Variants in EIF4G3 observed in about 807,000 individuals in gnomAD.
EIF4G3 encodes the protein eukaryotic translation initiation factor 4 gamma 3, also known as eIF-4-gamma 3.
A neutral mutation model predicts 186.4 loss-of-function variants in EIF4G3; 34 were observed. The observed-to-expected ratio is 0.18, with a 90% CI of 0.14 to 0.24. The LOEUF (loss-of-function observed/expected upper bound fraction) is 0.24. EIF4G3 is among the 10% of genes least tolerant of loss of function. The pLI is 1.00. For missense variants in EIF4G3, 1,536 were observed against 1,948.5 expected (o/e 0.79, Z 3.99); for synonymous variants, 673 against 679.5 (o/e 0.99, Z 0.15).
At chr1:21,071,805 C>G (rs1400004675) in intron 3 of EIF4G3, among the ~76,000 whole-genome samples, 2 of 91,352 alleles carry the variant, frequency 2.2e-5, no homozygotes, top group Non-Finnish European at 4.5e-5. Context: ...GGCTCCGTCT[C>G]AAAAAAAAAA....
intron 10 of EIF4G3, among the ~76,000 whole-genome samples, chr1:20,976,840 C>G: frequency 6.6e-6 from 1 of 152,088 alleles, no homozygotes; most frequent in East Asian, 1.9e-4. Flanking sequence ...GAGTTCAAGA[C>G]CAGCCTTGGT....
At chr1:20,931,216 T>C (rs1346771519) in intron 14 of EIF4G3, among the ~76,000 whole-genome samples, 2 of 152,078 alleles carry the variant, frequency 1.3e-5, no homozygotes, top group Non-Finnish European at 2.9e-5. Context: ...CCCAGATCCA[T>C]CACAGGAATC....
At position 21,038,453 on chromosome 1, in the gene EIF4G3, A is replaced by C. The variant is rs1221576517; in HGVS notation, c.-67+12413T>G. Among the ~76,000 whole-genome samples the C allele has an allele frequency of 2.0e-5, 3 of 152,244 alleles. No homozygotes were observed. The East Asian group carries it at 5.8e-4, about 29-fold the overall frequency. ...CCTACTACTGATAGCCACCACGATT[A>C]TCTCTACTAATTTCTTCCCCTCATT... On this transcript the variant is annotated intron_variant, in intron 4 of 36. Coordinates refer to ENST00000602326, the MANE Select transcript of EIF4G3 (RefSeq NM_001391906.1).
intron 2 of EIF4G3, among the ~76,000 whole-genome samples, chr1:21,146,231 C>G (rs975708919): frequency 2.0e-5 from 3 of 152,166 alleles, no homozygotes; most frequent in Non-Finnish European, 4.4e-5. Context: ...GGGTGTGCAC[C>G]TGTAGTCCTA....
chr1:21,135,394 G>A (rs1443889233), intron 2 of EIF4G3, among the ~76,000 whole-genome samples: 1 of 152,166 alleles, frequency 6.6e-6, no homozygotes, highest in Non-Finnish European at 1.5e-5. Flanking sequence ...AGCTACTCGG[G>A]AGAGGCTGAG....
intron 3 of EIF4G3, among the ~76,000 whole-genome samples, chr1:21,079,953 A>G (rs1156750611): frequency 1.3e-5 from 2 of 151,632 alleles, no homozygotes; most frequent in Non-Finnish European, 2.9e-5. Flanking sequence ...GGAGTTCGAG[A>G]CCAGCCTGGC....
chr1:20,921,309 A>G (rs1205828028), intron 14 of EIF4G3, among the ~76,000 whole-genome samples: 1 of 152,232 alleles, frequency 6.6e-6, no homozygotes, highest in African/African-American at 2.4e-5. Flanking sequence ...GGATATTATA[A>G]AACTAAAGTA....
At chr1:21,153,978 G>A (rs1430666549) in intron 2 of EIF4G3, among the ~76,000 whole-genome samples, 1 of 152,118 alleles carries the variant, frequency 6.6e-6, no homozygotes, top group African/African-American at 2.4e-5. Flanking sequence ...ACTACCTATT[G>A]TCAGCAAGCC....
chr1:20,991,177 T>C (rs78855528), intron 7 of EIF4G3, among the ~76,000 whole-genome samples: 4,431 of 152,248 alleles, frequency 0.029, 142 homozygotes, highest in East Asian at 0.14. Context: ...GTCAATATTA[T>C]ATAATTTAGG....
At chr1:20,886,435 A>C in intron 18 of EIF4G3, 64 bp from the exon 19 acceptor site, 1 of 1,524,604 alleles carries the variant, frequency 6.6e-7, no homozygotes, top group Non-Finnish European at 8.9e-7. Context: ...TGTGCTGTTC[A>C]AGTCAAGTCT....
chr1:20,824,581 T>TG (rs2063155913), intron 33 of EIF4G3, among the ~76,000 whole-genome samples: 2 of 152,210 alleles, frequency 1.3e-5, no homozygotes, highest in African/African-American at 4.8e-5. Flanking sequence ...ATACTGATCA[T>TG]GGGGTCTTCT....
chr1:21,079,920 G>A (rs2095713162), intron 3 of EIF4G3, among the ~76,000 whole-genome samples: 2 of 151,452 alleles, frequency 1.3e-5, no homozygotes, highest in Admixed American at 1.3e-4. Context: ...GGGAGGCCGA[G>A]GCAGGTGGAT....
chr1:21,151,533 C>A (rs2097551017), intron 2 of EIF4G3, among the ~76,000 whole-genome samples: 1 of 151,928 alleles, frequency 6.6e-6, no homozygotes, highest in African/African-American at 2.4e-5. Flanking sequence ...CCACCATGCC[C>A]AGCTTTAATG....
rs75505577 is a variant in EIF4G3, at chr1:20,818,886, G to A, written c.4369-1348C>T. Among the ~76,000 whole-genome samples the A allele has an allele frequency of 6.1e-3, 934 of 152,122 alleles. 3 individuals are homozygous for A. Among genetic ancestry groups the A allele is most frequent in the Non-Finnish European group, 0.01 (696 of 67,996 alleles). ...TTGAGTTCTGTCATCTGATTGTTCC[G>A]TTTCTACCACTTACGTAGCATCTCT... On this transcript the variant is annotated intron_variant, in intron 33 of 36. Coordinates refer to ENST00000602326, the MANE Select transcript of EIF4G3 (RefSeq NM_001391906.1).
chr1:20,944,653 G>A (rs2095864529), intron 13 of EIF4G3, among the ~76,000 whole-genome samples: 1 of 152,022 alleles, frequency 6.6e-6, no homozygotes, highest in Non-Finnish European at 1.5e-5. Flanking sequence ...TATTAATGTT[G>A]GGAAACAATT....
At chr1:21,116,647 GACAA>G (rs1287535941) in intron 2 of EIF4G3, among the ~76,000 whole-genome samples, 2 of 151,918 alleles carry the variant, frequency 1.3e-5, no homozygotes, top group Non-Finnish European at 2.9e-5. Context: ...AGACCAGCCT[GACAA>G]ACATAGTGGA....
intron 29 of EIF4G3, among the ~76,000 whole-genome samples, chr1:20,844,588 T>TC (rs1205813007): frequency 6.6e-6 from 1 of 152,182 alleles, no homozygotes; most frequent in African/African-American, 2.4e-5. Flanking sequence ...ACGCCTGTAA[T>TC]CCCAGTATTT....
intron 4 of EIF4G3, among the ~76,000 whole-genome samples, chr1:21,006,589 T>C (rs2085144820): frequency 6.6e-6 from 1 of 152,174 alleles, no homozygotes; most frequent in Non-Finnish European, 1.5e-5. Context: ...AAGAACACAA[T>C]AGTGACAGCA....
rs2154547369 is a variant in EIF4G3 at position 20,827,684 on chromosome 1, G to C, written c.4202C>G (p.Pro1401Arg). The change falls in exon 32 of 37, where the codon CCT becomes CGT. Residue 1401 changes from proline (P) to arginine (R), a missense_variant. Pro to Arg is a moderately radical substitution (Grantham distance 103, BLOSUM62 -2). This residue lies in a region of EIF4G3 where 395 missense variants were observed against 498.9 expected (regional missense o/e 0.79). Coordinates refer to ENST00000602326, the MANE Select transcript of EIF4G3 (RefSeq NM_001391906.1). The part of the protein sequence containing the change: ...MRELTIEFSK[P>R]LLPVGRAGVL... ...CCCAGCTCTTCCAACAGGAAGTAAA[G>C]GTTTGCTAAATTCTCTGTAAAAGAT... 1.9e-6 allele frequency: 3 copies of C among 1,610,822 alleles called. No individual in the cohort carries two copies. Among genetic ancestry groups the C allele is most frequent in the Non-Finnish European group, 1.7e-6 (2 of 1,177,468 alleles).
Sources: gnomAD v4.1 joint callset for allele counts (sites outside exome capture counted in the v4.1 genomes callset) on GRCh38, gnomAD v4.1.1 for gene constraint, gnomAD v4.1.1 regional missense constraint, MANE v1.5 for transcripts, NCBI Gene and HGNC (gene_info 2026-07-23, HGNC 2026-07-21) for gene names.